IGF1R: variants seen among roughly 807,000 people sequenced by gnomAD.
IGF1R encodes insulin-like growth factor 1 receptor.
IGF1R carries 44 observed loss-of-function variants against 144.6 expected under a neutral mutation model. The observed-to-expected ratio is 0.30, with a 90% confidence interval of 0.24 to 0.39. The LOEUF is 0.39. Among genes scored for constraint, IGF1R ranks in the 10% least tolerant of loss-of-function variants. The probability of loss-of-function intolerance (pLI) is 1.00; values close to 1 mark genes in which losing one functional copy is unlikely to be tolerated. For missense variants in IGF1R, 1,355 were observed against 1,833.7 expected, an observed-to-expected ratio of 0.74 and a Z score of 4.77; for synonymous variants, 795 against 722.8, an observed-to-expected ratio of 1.10 and a Z score of -1.60.
At chr15:98,955,016 C>T (rs746127840) in intron 20 of IGF1R, among the ~76,000 whole-genome samples, 7 of 152,128 alleles carry the variant, frequency 4.6e-5, no homozygotes, top group East Asian at 1.9e-4. Flanking sequence ...CATTCTGTTG[C>T]GCAGAGAACT....
At chr15:98,714,703 AAATAAT>A (rs2054074321) in intron 2 of IGF1R, among the ~76,000 whole-genome samples, 1 of 152,316 alleles carries the variant, frequency 6.6e-6, no homozygotes, top group Admixed American at 6.5e-5. Context: ...TGAGAAAGGA[AAATAAT>A]AATAAAAAAA....
chr15:98,931,447 T>C (rs2015936724), intron 15 of IGF1R, among the ~76,000 whole-genome samples: 1 of 152,238 alleles, frequency 6.6e-6, no homozygotes, highest in African/African-American at 2.4e-5. Context: ...GGTTTTACTA[T>C]GGTTTCTTTA....
Position 98,649,525 on chromosome 15 carries a change from C to CTTTTTTTT in IGF1R, c.-40_-33dup, listed in dbSNP as rs544674838. ...TCATTTCCTTTTTTTCTTTTCTTTT[C>CTTTTTTTT]TTTTTTTTTTTTTTTTTTTTTTTTG... On this transcript the variant is annotated 5_prime_UTR_variant, in exon 1 of 21. Transcript: ENST00000650285. The CTTTTTTTT allele has an allele frequency of 2.1e-4, 153 of 726,162 alleles. 1 individual carries two copies. Among genetic ancestry groups the CTTTTTTTT allele is most frequent in the South Asian group, 6.2e-4 (35 of 56,200 alleles). 45.0% of individuals were successfully genotyped at this position (726,162 alleles called of 1,614,324 possible). A position where few individuals can be genotyped will look rare whatever the true frequency, so the allele number is the denominator to read the frequency against.
intron 2 of IGF1R, among the ~76,000 whole-genome samples, chr15:98,717,354 C>T (rs1384942509): frequency 9.9e-5 from 15 of 151,540 alleles, no homozygotes. Context: ...TTAAATTAAA[C>T]TATCTAAGAG....
At chr15:98,757,088 TG>T (rs1288075325) in intron 2 of IGF1R, among the ~76,000 whole-genome samples, 5 of 152,344 alleles carry the variant, frequency 3.3e-5, no homozygotes, top group African/African-American at 1.2e-4. Flanking sequence ...TCAAACTTAC[TG>T]ATTGCATTAT....
intron 1 of IGF1R, among the ~76,000 whole-genome samples, chr15:98,698,466 A>G (rs1383754066): frequency 6.6e-6 from 1 of 152,200 alleles, no homozygotes; most frequent in South Asian, 2.1e-4. Context: ...ATTCTCTCCT[A>G]CCACAGCCAC....
At chr15:98,867,150 A>AGG (rs1340992831) in intron 2 of IGF1R, among the ~76,000 whole-genome samples, 2 of 129,766 alleles carry the variant, frequency 1.5e-5, no homozygotes, top group African/African-American at 5.8e-5. Flanking sequence ...CAGGAGAGAA[A>AGG]GGGGGAGAGA....
chr15:98,689,692 C>A (rs953124308), intron 1 of IGF1R, among the ~76,000 whole-genome samples: 4 of 152,224 alleles, frequency 2.6e-5, no homozygotes, highest in Non-Finnish European at 2.9e-5. Context: ...GTTCTTGCCA[C>A]ACTTTGCTGC....
chr15:98,717,131 G>C (rs1426644441), intron 2 of IGF1R, among the ~76,000 whole-genome samples: 2 of 152,180 alleles, frequency 1.3e-5, no homozygotes, highest in Non-Finnish European at 1.5e-5. Flanking sequence ...ACGTTCCTGT[G>C]TGGACAAGTG....
At chr15:98,769,562 G>A (rs1183156861) in intron 2 of IGF1R, among the ~76,000 whole-genome samples, 1 of 152,200 alleles carries the variant, frequency 6.6e-6, no homozygotes, top group Non-Finnish European at 1.5e-5. Context: ...GTATATTCAA[G>A]CAGATCAGAT....
At chr15:98,760,324 C>T (rs899104717) in intron 2 of IGF1R, among the ~76,000 whole-genome samples, 2 of 151,846 alleles carry the variant, frequency 1.3e-5, no homozygotes, top group African/African-American at 4.8e-5. Context: ...TGCACTCCAG[C>T]CTGAGCAACA....
intron 1 of IGF1R, 73 bp downstream of exon 1, chr15:98,649,748 C>A: frequency 1.7e-6 from 2 of 1,158,092 alleles, no homozygotes; most frequent in South Asian, 1.3e-5. Context: ...GTTTGCGAAA[C>A]CCGAGTTGCC....
At chr15:98,821,415 C>T (rs753953092) in intron 2 of IGF1R, among the ~76,000 whole-genome samples, 4 of 151,972 alleles carry the variant, frequency 2.6e-5, no homozygotes, top group African/African-American at 4.8e-5. Flanking sequence ...GTAAGTAGAC[C>T]GTGAATTTAG....
chr15:98,913,316 ACTT>A, intron 8 of IGF1R, 34 bp downstream of exon 8: 1 of 1,535,140 alleles, frequency 6.5e-7, no homozygotes, highest in Non-Finnish European at 9.0e-7. Context: ...CAGCATCCAC[ACTT>A]CTTCGCAAGC....
intron 1 of IGF1R, among the ~76,000 whole-genome samples, chr15:98,683,531 T>C (rs975066702): frequency 1.3e-5 from 2 of 152,226 alleles, no homozygotes; most frequent in Admixed American, 6.5e-5. Context: ...TTTTAAGGGA[T>C]GAGGTAATCT....
intron 2 of IGF1R, among the ~76,000 whole-genome samples, chr15:98,845,544 C>T (rs1020458859): frequency 7.0e-6 from 1 of 143,706 alleles, no homozygotes; most frequent in Non-Finnish European, 1.5e-5. Flanking sequence ...TCCTCCTCCT[C>T]CCCCTCCTCT....
intron 2 of IGF1R, among the ~76,000 whole-genome samples, chr15:98,848,636 C>T (rs2011426370): frequency 6.6e-6 from 1 of 152,184 alleles, no homozygotes; most frequent in African/African-American, 2.4e-5. Flanking sequence ...TTGACTTACT[C>T]ATTTGTGAAT....
chr15:98,847,441 G>A (rs954714432), intron 2 of IGF1R, among the ~76,000 whole-genome samples: 1 of 152,186 alleles, frequency 6.6e-6, no homozygotes, highest in Non-Finnish European at 1.5e-5. Flanking sequence ...GAGCCAGGTA[G>A]TCCTGCCTGC....
intron 2 of IGF1R, among the ~76,000 whole-genome samples, chr15:98,749,111 T>A (rs941761858): frequency 5.3e-5 from 8 of 152,200 alleles, no homozygotes; most frequent in Non-Finnish European, 1.2e-4. Flanking sequence ...TCTTTCCTTG[T>A]TTAAAAAATT....
Sources: allele counts gnomAD v4.1 joint callset (sites outside exome capture counted in the v4.1 genomes callset), GRCh38; gene constraint gnomAD v4.1.1; transcripts MANE v1.5; gene names NCBI Gene and HGNC (gene_info 2026-07-23, HGNC 2026-07-21).